The following RMDN2 variants were observed in gnomAD, a reference collection of about 807,000 sequenced individuals.
RMDN2 encodes the protein regulator of microtubule dynamics 2.
Under a neutral mutation model 52.8 loss-of-function variants are expected in RMDN2, and 61 were observed. The ratio of observed to expected loss-of-function variants is 1.16; its 90% confidence interval spans 0.94 to 1.43. RMDN2 has a LOEUF of 1.43. Ranked by LOEUF, RMDN2 falls within the 40% of genes most tolerant of loss-of-function variation. The pLI is 0.00. For synonymous variants in RMDN2, 180 were observed against 153.1 expected (o/e 1.18, Z -1.30); for missense variants, 592 against 475.3 (o/e 1.25, Z -2.28).
intron 10 of RMDN2, among the ~76,000 whole-genome samples, chr2:38,024,188 A>G (rs766445376): frequency 5.3e-5 from 8 of 152,154 alleles, no homozygotes; most frequent in Admixed American, 4.6e-4. Context: ...CCACTCATCT[A>G]TTGATAGACA....
intron 10 of RMDN2, among the ~76,000 whole-genome samples, chr2:38,045,731 C>T (rs1481682729): frequency 1.3e-5 from 2 of 152,182 alleles, no homozygotes; most frequent in Non-Finnish European, 2.9e-5. Flanking sequence ...GAGCTGCTCC[C>T]AGCTCTCCCC....
intron 10 of RMDN2, among the ~76,000 whole-genome samples, chr2:38,062,656 G>T (rs1445461095): frequency 1.3e-5 from 2 of 151,862 alleles, no homozygotes; most frequent in Non-Finnish European, 2.9e-5. Context: ...TAGGGTACAT[G>T]TGCACAATGT....
intron 2 of RMDN2, among the ~76,000 whole-genome samples, chr2:37,971,820 C>G (rs1322836314): frequency 6.6e-6 from 1 of 152,120 alleles, no homozygotes; most frequent in Non-Finnish European, 1.5e-5. Flanking sequence ...AGTGCTTTGG[C>G]TGTCCTGGGC....
downstream of RMDN2, among the ~76,000 whole-genome samples, chr2:38,019,345 G>A (rs773490130): frequency 1.1e-4 from 17 of 152,168 alleles, no homozygotes; most frequent in Admixed American, 4.6e-4. Context: ...CCTGACATAA[G>A]ATCTAATCAG....
chr2:37,962,900 GATAGCACAGTCTCTC>G (rs1670452500), intron 2 of RMDN2, among the ~76,000 whole-genome samples: 1 of 152,232 alleles, frequency 6.6e-6, no homozygotes, highest in South Asian at 2.1e-4. Flanking sequence ...ATCTGGGCTA[GATAGCACAGTCTCTC>G]ATGGCACAGT....
intron 4 of RMDN2, among the ~76,000 whole-genome samples, chr2:37,977,690 G>A (rs1187102941): frequency 2.6e-5 from 4 of 151,866 alleles, no homozygotes; most frequent in African/African-American, 4.8e-5. Flanking sequence ...ACGGGGTCGC[G>A]GCCGGGTAGA....
At chr2:38,006,860 T>C (rs1322572861) in intron 10 of RMDN2, among the ~76,000 whole-genome samples, 3 of 152,216 alleles carry the variant, frequency 2.0e-5, no homozygotes, top group Non-Finnish European at 4.4e-5. Flanking sequence ...ATAGCTCTTA[T>C]TATTTTGAGA....
intron 2 of RMDN2, among the ~76,000 whole-genome samples, chr2:37,949,602 A>G (rs773167826): frequency 5.3e-5 from 8 of 152,188 alleles, no homozygotes; most frequent in Admixed American, 2.0e-4. Context: ...ACTAAAATCA[A>G]ATTACAAATC....
chr2:37,985,522 A>C (rs890977587), intron 5 of RMDN2, among the ~76,000 whole-genome samples: 6 of 152,052 alleles, frequency 3.9e-5, no homozygotes, highest in Non-Finnish European at 8.8e-5. Context: ...GAGTCAGCTA[A>C]CCCATGCTGA....
At position 37,997,481 on chromosome 2, in the gene RMDN2, A is replaced by G. The variant is rs765296870; in HGVS notation, c.1011A>G (p.Ser337=). The part of the protein sequence containing the change: ...AATLFGKIPS[S]TVQEALHNFL... Reference sequence around the variant, plus strand: ...CTCTGTTTGGAAAAATACCATCTTCAACTGTACAAGAAGCTTTACACAATT... The same window carrying G: ...CTCTGTTTGGAAAAATACCATCTTCGACTGTACAAGAAGCTTTACACAATT... Residue 337 remains serine, a synonymous_variant, in exon 8 of 11, where the codon TCA becomes TCG. Transcript: ENST00000354545. The G allele has an allele frequency of 3.1e-6, 5 of 1,613,610 alleles. No homozygotes were observed. The highest frequency in any genetic ancestry group is 4.2e-6 in the Non-Finnish European group (5 of 1,179,576).
intron 2 of RMDN2, among the ~76,000 whole-genome samples, chr2:37,965,391 T>C (rs977706377): frequency 4.6e-5 from 7 of 151,624 alleles, no homozygotes; most frequent in Admixed American, 3.3e-4. Context: ...ATATATTCTA[T>C]AAATATGTTT....
chr2:38,021,424 C>T (rs145458223), downstream of RMDN2, among the ~76,000 whole-genome samples: 212 of 152,152 alleles, frequency 1.4e-3, no homozygotes, highest in African/African-American at 4.5e-3. Context: ...TTGCTCTTTG[C>T]AATAAATCTT....
At chr2:38,045,031 A>T (rs1297862628) in intron 10 of RMDN2, among the ~76,000 whole-genome samples, 1 of 152,174 alleles carries the variant, frequency 6.6e-6, no homozygotes, top group African/African-American at 2.4e-5. Flanking sequence ...TATGGTATCA[A>T]ATAGTAATAA....
chr2:37,943,778 C>T (rs572072862), intron 2 of RMDN2, among the ~76,000 whole-genome samples: 2 of 152,208 alleles, frequency 1.3e-5, no homozygotes, highest in African/African-American at 2.4e-5. Context: ...ATTAACTTTG[C>T]GAAGTTGGAG....
chr2:38,023,226 G>C (rs1048257684), intron 10 of RMDN2, among the ~76,000 whole-genome samples: 3 of 152,170 alleles, frequency 2.0e-5, no homozygotes, highest in Non-Finnish European at 4.4e-5. Context: ...GACTGCTCCA[G>C]AGTCCATGCT....
At chr2:37,943,629 G>T (rs1488074251) in intron 2 of RMDN2, among the ~76,000 whole-genome samples, 1 of 152,214 alleles carries the variant, frequency 6.6e-6, no homozygotes, top group South Asian at 2.1e-4. Flanking sequence ...TGTATTAAAT[G>T]TACTAGAACA....
At chr2:38,018,251 C>G (rs1679063868), downstream of RMDN2, among the ~76,000 whole-genome samples, 1 of 152,122 alleles carries the variant, frequency 6.6e-6, no homozygotes, top group Non-Finnish European at 1.5e-5. Flanking sequence ...GCAATATTGT[C>G]ATGAGATGGA....
intron 10 of RMDN2, among the ~76,000 whole-genome samples, chr2:38,038,748 C>T (rs1680760875): frequency 6.6e-6 from 1 of 152,112 alleles, no homozygotes; most frequent in South Asian, 2.1e-4. Context: ...TTCTCACAGC[C>T]CACAGGGTTG....
intron 10 of RMDN2, among the ~76,000 whole-genome samples, chr2:38,056,528 T>C (rs1681861030): frequency 6.6e-6 from 1 of 152,220 alleles, no homozygotes; most frequent in African/African-American, 2.4e-5. Flanking sequence ...AGAGACATAA[T>C]AGATGCTGAA....
Sources: gnomAD v4.1 joint callset for allele counts (sites outside exome capture counted in the v4.1 genomes callset) on GRCh38, gnomAD v4.1.1 for gene constraint, MANE v1.5 for transcripts, NCBI Gene and HGNC (gene_info 2026-07-23, HGNC 2026-07-21) for gene names.